RSF1: variants seen among roughly 807,000 people sequenced by gnomAD.
RSF1 encodes HBV pX-associated protein 8.
RSF1 carries 13 observed loss-of-function variants against 145.2 expected under a neutral mutation model. That is an observed-to-expected ratio of 0.09 (90% confidence interval 0.06 to 0.14). The LOEUF (loss-of-function observed/expected upper bound fraction) is 0.14, where lower values mean the gene tolerates loss of function less well. Among genes scored for constraint, RSF1 ranks in the 10% least tolerant of loss-of-function variants. The pLI, the probability that RSF1 is intolerant of heterozygous loss-of-function variation, is 1.00. For synonymous variants in RSF1, 577 were observed against 592.6 expected (o/e 0.97, Z 0.38); for missense variants, 1,517 against 1,718.2 (o/e 0.88, Z 2.07).
At chr11:77,853,036 T>G in the RSF1 span, among the ~76,000 whole-genome samples, 6 of 152,292 alleles carry the variant, frequency 3.9e-5, no homozygotes, top group East Asian at 1.2e-3. Flanking sequence ...GTTGAAAGTG[T>G]ATATCCAGGG....
chr11:77,821,024 C>G (rs1346013631), upstream of RSF1: 7 of 234,140 alleles, frequency 3.0e-5, no homozygotes, highest in Admixed American at 5.6e-5. Flanking sequence ...ACAAGGGAAG[C>G]GGGGCGGGGA....
chr11:77,783,841 CA>C (rs993858289), intron 1 of RSF1, among the ~76,000 whole-genome samples: 213 of 144,870 alleles, frequency 1.5e-3, no homozygotes, highest in African/African-American at 4.4e-3. Context: ...GACCCGATTT[CA>C]AAAAAAAAAA....
At chr11:77,734,893 T>C (rs920915523) in intron 4 of RSF1, 3 of 1,581,804 alleles carry the variant, frequency 1.9e-6, no homozygotes, top group Admixed American at 1.7e-5. Context: ...AGCCACATCA[T>C]CACGGTCAAA....
At chr11:77,828,563 C>T in the RSF1 span, among the ~76,000 whole-genome samples, 8 of 147,900 alleles carry the variant, frequency 5.4e-5, no homozygotes, top group African/African-American at 1.2e-4. Context: ...CCCAGCTACT[C>T]GGGAGGCTGC....
intron 1 of RSF1, among the ~76,000 whole-genome samples, chr11:77,809,786 C>T (rs1245805646): frequency 6.6e-6 from 1 of 152,102 alleles, no homozygotes; most frequent in Non-Finnish European, 1.5e-5. Context: ...TTGCTATATC[C>T]CCAAACTCCA....
chr11:77,792,005 T>C (rs1948522299), intron 1 of RSF1, among the ~76,000 whole-genome samples: 1 of 152,192 alleles, frequency 6.6e-6, no homozygotes, highest in South Asian at 2.1e-4. Context: ...TGTATTACTC[T>C]GTTGTCATGC....
At chr11:77,755,484 G>A (rs1166551725) in intron 2 of RSF1, among the ~76,000 whole-genome samples, 2 of 152,192 alleles carry the variant, frequency 1.3e-5, no homozygotes, top group Non-Finnish European at 2.9e-5. Context: ...ATGATGGTAT[G>A]TATCAGACAT....
At chr11:77,802,113 C>G (rs1011981012) in intron 1 of RSF1, among the ~76,000 whole-genome samples, 4 of 152,158 alleles carry the variant, frequency 2.6e-5, no homozygotes, top group African/African-American at 9.7e-5. Flanking sequence ...TCTTCCAGAT[C>G]TTGTTTACCC....
At chr11:77,860,929 T>G in the RSF1 span, among the ~76,000 whole-genome samples, 1 of 152,186 alleles carries the variant, frequency 6.6e-6, no homozygotes, top group Non-Finnish European at 1.5e-5. Context: ...GTTGGGTTTC[T>G]ATACCCCTAA....
At position 77,693,691 on chromosome 11, in the gene RSF1, G is replaced by C. The variant is rs985540610; in HGVS notation, c.2716-80C>G. 1.7e-5 allele frequency: 16 copies of C among 921,158 alleles called. No individual in the cohort carries two copies. In the African/African-American group the frequency reaches 2.0e-4, roughly 11 times the overall value. 57.1% of individuals were successfully genotyped at this position (921,158 alleles called of 1,614,324 possible). A position where few individuals can be genotyped will look rare whatever the true frequency, so the allele number is the denominator to read the frequency against. ...AGGTTAAAGACGTTTCAATATCTCT[G>C]AGTACTATACTGCAAAGCACTCTAT... is the stretch of plus-strand genomic sequence containing the variant. On this transcript the variant is annotated intron_variant, in intron 7 of 15. Transcript: ENST00000308488.
chr11:77,803,190 C>G (rs1433659932), intron 1 of RSF1, among the ~76,000 whole-genome samples: 1 of 152,078 alleles, frequency 6.6e-6, no homozygotes, highest in African/African-American at 2.4e-5. Flanking sequence ...CTTTGTTCCC[C>G]AGGCTGGAGT....
intron 1 of RSF1, chr11:77,813,170 A>G (rs752005413): frequency 1.0e-5 from 4 of 383,702 alleles, no homozygotes; most frequent in Non-Finnish European, 1.4e-5. Flanking sequence ...GAGAGAAACC[A>G]AATTTATTTG....
chr11:77,840,187 T>TG, the RSF1 span, among the ~76,000 whole-genome samples: 2 of 152,150 alleles, frequency 1.3e-5, no homozygotes, highest in Admixed American at 1.3e-4. Context: ...ACTAGGTATC[T>TG]GGGGTTCATG....
At chr11:77,773,374 A>G (rs1447619690) in intron 1 of RSF1, among the ~76,000 whole-genome samples, 1 of 152,094 alleles carries the variant, frequency 6.6e-6, no homozygotes, top group Non-Finnish European at 1.5e-5. Context: ...CTTACAGTCA[A>G]AATTTTTGAA....
the RSF1 span, among the ~76,000 whole-genome samples, chr11:77,838,612 T>A: frequency 2.1e-5 from 3 of 144,568 alleles, no homozygotes; most frequent in African/African-American, 7.8e-5. Context: ...CTGATACAAG[T>A]ACCTTTTTTT....
At chr11:77,835,419 A>G in the RSF1 span, among the ~76,000 whole-genome samples, 2 of 152,102 alleles carry the variant, frequency 1.3e-5, no homozygotes, top group Non-Finnish European at 2.9e-5. Context: ...GACTACCTCC[A>G]GACTTTAAAC....
At chr11:77,678,585 C>T (rs1334612432) in intron 11 of RSF1, among the ~76,000 whole-genome samples, 1 of 152,062 alleles carries the variant, frequency 6.6e-6, no homozygotes, top group Non-Finnish European at 1.5e-5. Context: ...CCTCAAAATC[C>T]CCATGTTGAA....
intron 5 of RSF1, among the ~76,000 whole-genome samples, chr11:77,717,547 C>T (rs1370022825): frequency 1.3e-5 from 2 of 152,158 alleles, no homozygotes; most frequent in Non-Finnish European, 2.9e-5. Context: ...AGTAGTTTTG[C>T]GAATCTGAAT....
intron 1 of RSF1, among the ~76,000 whole-genome samples, chr11:77,774,705 T>C (rs1454815819): frequency 6.6e-6 from 1 of 150,980 alleles, no homozygotes; most frequent in African/African-American, 2.4e-5. Context: ...GGCAGGCAGA[T>C]CACCTGAGGT....
Sources: gnomAD v4.1 joint callset for allele counts (sites outside exome capture counted in the v4.1 genomes callset) on GRCh38, gnomAD v4.1.1 for gene constraint, MANE v1.5 for transcripts, NCBI Gene and HGNC (gene_info 2026-07-23, HGNC 2026-07-21) for gene names.